GABPB1: variants seen among roughly 807,000 people sequenced by gnomAD.
The protein encoded by GABPB1 is GA-binding protein subunit beta-1.
In GABPB1, 15 loss-of-function variants were observed where a neutral mutation model predicts 45.9. That is an observed-to-expected ratio of 0.33 (90% CI 0.22 to 0.50). GABPB1 has a LOEUF of 0.50. GABPB1 is among the 20% of genes least tolerant of loss of function. GABPB1 has a pLI of 0.98. For synonymous variants in GABPB1, 143 were observed against 154.4 expected (o/e 0.93, Z 0.55); for missense variants, 252 against 457.5 (o/e 0.55, Z 4.10).
In GABPB1 at chr15:50,275,665, C is replaced by G. The variant is rs915304805; in HGVS notation, c.*2967G>C. ...CACCACCATAAAGAAATAGAGCAAT[C>G]CAGTGACAGAGTAAAAGAACTCTTC... On this transcript the variant is annotated 3_prime_UTR_variant, in exon 9 of 9. Coordinates refer to ENST00000380877, the MANE Select transcript of GABPB1 (RefSeq NM_016654.5). 6.6e-6 allele frequency: 1 copy of G among 152,106 alleles called. No homozygotes were observed. The highest frequency in any genetic ancestry group is 2.4e-5 in the African/African-American group (1 of 41,400). The allele number at this position is 152,106 out of a possible 1,614,324, so 9.4% of individuals were successfully genotyped here. A position where few individuals can be genotyped will look rare whatever the true frequency, so the allele number is the denominator to read the frequency against.
chr15:50,285,895 T>A, intron 8 of GABPB1, 173 bp downstream of exon 8: 2 of 1,362,126 alleles, frequency 1.5e-6, no homozygotes, highest in South Asian at 1.9e-5. Context: ...TCATTCAATA[T>A]TTATTTATTG....
rs534836266 is a variant in GABPB1, at chr15:50,345,684, T to C, written c.-1+9301A>G. Among the ~76,000 whole-genome samples the C allele has an allele frequency of 2.0e-5, 3 of 152,022 alleles. No homozygotes were observed. The South Asian group carries it at 6.2e-4, about 32-fold the overall frequency. On this transcript the variant is annotated intron_variant, in intron 1 of 8. Coordinates refer to ENST00000380877, the MANE Select transcript of GABPB1 (RefSeq NM_016654.5). ...GCAGTTCATCAAAATTGATTTTTTTTCCTCCCAAAGTACAGATGTCTGTAC... is the reference window on the plus strand; with the variant it reads ...GCAGTTCATCAAAATTGATTTTTTTCCCTCCCAAAGTACAGATGTCTGTAC...
chr15:50,282,569 A>G (rs1368907920), intron 8 of GABPB1, among the ~76,000 whole-genome samples: 1 of 150,880 alleles, frequency 6.6e-6, no homozygotes. Flanking sequence ...AGAAAAAAAA[A>G]AAAAAACAGA....
At chr15:50,303,458 C>G (rs1165692928) in intron 3 of GABPB1, among the ~76,000 whole-genome samples, 2 of 152,036 alleles carry the variant, frequency 1.3e-5, no homozygotes, top group African/African-American at 4.8e-5. Context: ...CCAAGGCAGG[C>G]GGATCACAAG....
intron 1 of GABPB1, among the ~76,000 whole-genome samples, chr15:50,333,749 C>T (rs2048022428): frequency 6.6e-6 from 1 of 152,144 alleles, no homozygotes; most frequent in East Asian, 1.9e-4. Context: ...AGTCATCTAG[C>T]CAGGCGTGGT....
At chr15:50,321,708 A>C (rs996679706) in intron 1 of GABPB1, among the ~76,000 whole-genome samples, 6 of 151,886 alleles carry the variant, frequency 4.0e-5, no homozygotes, top group African/African-American at 1.5e-4. Flanking sequence ...TCTCAGAAAA[A>C]AAAAAAAAAA....
intron 1 of GABPB1, among the ~76,000 whole-genome samples, chr15:50,330,074 T>C (rs568926624): frequency 5.9e-5 from 9 of 151,990 alleles, no homozygotes; most frequent in African/African-American, 2.2e-4. Flanking sequence ...ACCTGACTAA[T>C]TCTAATTTTT....
rs767879330 is a variant in GABPB1, at chr15:50,275,584, A to C, written c.*3048T>G. 3.9e-5 allele frequency: 6 copies of C among 152,198 alleles called. No individual in the cohort carries two copies. The highest frequency in any genetic ancestry group is 8.8e-5 in the Non-Finnish European group (6 of 68,020). The allele number at this position is 152,198 out of a possible 1,614,324, so 9.4% of individuals were successfully genotyped here. A position where few individuals can be genotyped will look rare whatever the true frequency, so the allele number is the denominator to read the frequency against. ...ATTGGGGACCATCTGTGTAGCTTTCATTACATGAGATTTCCCATTTATCCT... is the reference window on the plus strand; with the variant it reads ...ATTGGGGACCATCTGTGTAGCTTTCCTTACATGAGATTTCCCATTTATCCT... On this transcript the variant is annotated 3_prime_UTR_variant, in exon 9 of 9. Transcript: ENST00000380877.
chr15:50,290,839 T>C (rs2046320567), intron 6 of GABPB1, among the ~76,000 whole-genome samples: 1 of 152,152 alleles, frequency 6.6e-6, no homozygotes, highest in Non-Finnish European at 1.5e-5. Flanking sequence ...TTAGAGAGGA[T>C]TCTGGCAGCT....
chr15:50,282,776 C>T (rs940339301), intron 8 of GABPB1, among the ~76,000 whole-genome samples: 5 of 152,002 alleles, frequency 3.3e-5, no homozygotes, highest in Admixed American at 1.3e-4. Context: ...AATTTACAGC[C>T]GTGCGCAGTG....
chr15:50,313,086 AAGAAATATAT>A (rs1328863760), intron 1 of GABPB1, among the ~76,000 whole-genome samples: 1 of 152,196 alleles, frequency 6.6e-6, no homozygotes, highest in Admixed American at 6.5e-5. Flanking sequence ...AGAAATGGCA[AAGAAATATAT>A]TTACCACAAA....
intron 7 of GABPB1, among the ~76,000 whole-genome samples, chr15:50,289,168 T>C (rs1279116358): frequency 6.6e-6 from 1 of 152,206 alleles, no homozygotes; most frequent in Non-Finnish European, 1.5e-5. Flanking sequence ...TTGGATATTA[T>C]TTGTGTTGAC....
At chr15:50,350,733 G>GA (rs1422210467) in intron 1 of GABPB1, 1 of 152,010 alleles carries the variant, frequency 6.6e-6, no homozygotes, top group Admixed American at 6.6e-5. Context: ...TCAGTGAACA[G>GA]GAACAGCCTA....
At chr15:50,292,143 T>C (rs2046366291) in intron 6 of GABPB1, among the ~76,000 whole-genome samples, 1 of 150,564 alleles carries the variant, frequency 6.6e-6, no homozygotes, top group Admixed American at 6.6e-5. Context: ...TGAAACCCCG[T>C]CTCTACTGAA....
At chr15:50,339,301 A>G (rs781294723) in intron 1 of GABPB1, among the ~76,000 whole-genome samples, 4 of 151,874 alleles carry the variant, frequency 2.6e-5, no homozygotes, top group Admixed American at 6.6e-5. Context: ...CTGGGCAACA[A>G]AGTGAGACTC....
At chr15:50,303,917 T>C (rs1261631499) in intron 3 of GABPB1, 49 bp downstream of exon 3, 5 of 1,443,666 alleles carry the variant, frequency 3.5e-6, no homozygotes, top group Non-Finnish European at 2.8e-6. Flanking sequence ...CTCCTTCTTA[T>C]AAAACCGTAA....
chr15:50,329,967 C>T (rs760932158), intron 1 of GABPB1, among the ~76,000 whole-genome samples: 6 of 151,058 alleles, frequency 4.0e-5, no homozygotes, highest in East Asian at 1.9e-4. Context: ...AATGCAGTGG[C>T]GTGATCATGG....
chr15:50,299,911 G>C (rs2046667327), intron 6 of GABPB1, among the ~76,000 whole-genome samples: 1 of 151,940 alleles, frequency 6.6e-6, no homozygotes, highest in Non-Finnish European at 1.5e-5. Flanking sequence ...CTGCCTCCCA[G>C]GTTCAAGCGA....
intron 2 of GABPB1, among the ~76,000 whole-genome samples, chr15:50,305,032 T>A (rs544324573): frequency 2.6e-5 from 4 of 152,294 alleles, no homozygotes; most frequent in African/African-American, 9.6e-5. Flanking sequence ...ATTGGTTCCA[T>A]GTGGTCTAGT....
Sources: gnomAD v4.1 joint callset for allele counts (sites outside exome capture counted in the v4.1 genomes callset) on GRCh38, gnomAD v4.1.1 for gene constraint, MANE v1.5 for transcripts, NCBI Gene and HGNC (gene_info 2026-07-23, HGNC 2026-07-21) for gene names.